MED21: variants seen among roughly 807,000 people sequenced by gnomAD.
The protein encoded by MED21 is mediator complex subunit 21.
A neutral mutation model predicts 18.2 loss-of-function variants in MED21; 9 were observed. The observed-to-expected ratio is 0.49, with a 90% CI of 0.30 to 0.86. The LOEUF (loss-of-function observed/expected upper bound fraction) is 0.86. Ranked by LOEUF, MED21 falls within the 40% of genes least tolerant of loss-of-function variation. The pLI is 0.07. For synonymous variants in MED21, 73 were observed against 60.5 expected (o/e 1.21, Z -0.96); for missense variants, 150 against 170.9 (o/e 0.88, Z 0.68).
rs142054394 is a variant in MED21 at position 27,028,452 on chromosome 12, A to G, written c.426A>G (p.Pro142=). 6.8e-6 allele frequency: 11 copies of G among 1,613,748 alleles called. No homozygotes were observed. In the African/African-American group the frequency reaches 1.2e-4, roughly 18 times the overall value. The change falls in exon 4 of 4, where the codon CCA becomes CCG. Residue 142 remains proline, a synonymous_variant. Transcript: ENST00000282892. ...GTGGTACCCATAGCCAGTCTCTTCC[A>G]GACTCATAGCATCAGTGGATACCAT... The part of the protein sequence containing the change: ...TRSGTHSQSL[P]DS
Position 27,029,830 on chromosome 12 carries a change from A to G in MED21, c.*1369A>G. On this transcript the variant is annotated 3_prime_UTR_variant, in exon 4 of 4. Transcript: ENST00000282892. ...GTCAGAAAACTTATTCAAAGTACCT[A>G]AGTATTATAAAGGAGTCAAAAAGGT... The G allele has an allele frequency of 1.0e-6, 1 of 998,952 alleles. No homozygotes were observed. Among genetic ancestry groups the G allele is most frequent in the Non-Finnish European group, 1.2e-6 (1 of 837,564 alleles). The allele number at this position is 998,952 out of a possible 1,614,324, so 61.9% of individuals were successfully genotyped here. A position where few individuals can be genotyped will look rare whatever the true frequency, so the allele number is the denominator to read the frequency against.
rs1389113234 is a variant in MED21, at chr12:27,030,140, T to C, written c.*1679T>C. ...ATATACAGTTTTTTTTTGTTGTTCTTGTTTCTGTTTTTTTAAGGTGAAGTC... is the reference window on the plus strand; with the variant it reads ...ATATACAGTTTTTTTTTGTTGTTCTCGTTTCTGTTTTTTTAAGGTGAAGTC... On this transcript the variant is annotated 3_prime_UTR_variant, in exon 4 of 4. Coordinates refer to ENST00000282892, the MANE Select transcript of MED21 (RefSeq NM_004264.5). The C allele has an allele frequency of 6.1e-6, 4 of 659,026 alleles. No homozygotes were observed. The highest frequency in any genetic ancestry group is 8.3e-6 in the Non-Finnish European group (3 of 361,338). The allele number at this position is 659,026 out of a possible 1,614,324, so 40.8% of individuals were successfully genotyped here.
In MED21 at chr12:27,028,485, AGAAAAGAAC is replaced by A; in HGVS notation, c.*25_*33del. The A allele has an allele frequency of 6.3e-7, 1 of 1,598,724 alleles. No individual in the cohort carries two copies. Among genetic ancestry groups the A allele is most frequent in the Non-Finnish European group, 8.5e-7 (1 of 1,170,304 alleles). On this transcript the variant is annotated 3_prime_UTR_variant, in exon 4 of 4. Transcript: ENST00000282892. ...AGCATCAGTGGATACCATGTGGCTG[AGAAAAGAAC>A]TGTTTGAGTGCCATTAAGAATTCTG... is the stretch of plus-strand genomic sequence containing the variant.
Position 27,022,612 on chromosome 12 carries a change from T to A in MED21, c.33T>A (p.Ala11=). 2 of 1,591,686 alleles carry A rather than the reference T, an allele frequency of 1.3e-6. No homozygotes were observed. The highest frequency in any genetic ancestry group is 1.7e-6 in the Non-Finnish European group (2 of 1,164,476). ...ATCGGCTCACGCAGCTTCAGGACGC[T>A]GTGAATTCGGTGAGGAATTTCATTC... The part of the protein sequence containing the change: MADRLTQLQD[A]VNSLADQFCN... The change falls in exon 1 of 4, where the codon GCT becomes GCA. Residue 11 remains alanine (A), a synonymous_variant. Transcript: ENST00000282892.
At chr12:27,028,204 CA>C in intron 3 of MED21, 80 bp from the exon 4 acceptor site, 3 of 1,434,786 alleles carry the variant, frequency 2.1e-6, no homozygotes, top group Non-Finnish European at 2.8e-6. Flanking sequence ...ATTGCAAAGT[CA>C]TCCAGATTTA....
At chr12:27,035,435 ATTTC>A (rs997909411), downstream of MED21, among the ~76,000 whole-genome samples, 1 of 147,842 alleles carries the variant, frequency 6.8e-6, no homozygotes, top group East Asian at 2.0e-4. Flanking sequence ...GTGATTTGTT[ATTTC>A]TTTTTTTTTT....
At chr12:27,030,770 T>C (rs1308671638), downstream of MED21, 1 of 152,210 alleles carries the variant, frequency 6.6e-6, no homozygotes, top group East Asian at 1.9e-4. Flanking sequence ...CCTAAAGATT[T>C]CTGTGGGTGA....
intron 1 of MED21, chr12:27,022,875 AG>A: frequency 7.1e-7 from 1 of 1,412,284 alleles, no homozygotes. Flanking sequence ...TGTCCGGGTG[AG>A]GCCGCCAGGA....
intron 2 of MED21, chr12:27,038,072 A>G (rs1227996700): frequency 6.6e-6 from 1 of 152,192 alleles, no homozygotes; most frequent in Non-Finnish European, 1.5e-5. Context: ...AGACCACCAC[A>G]TCTACTCATC....
rs1212170336 is a variant in MED21, at chr12:27,028,771, C to T, written c.*310C>T. On this transcript the variant is annotated 3_prime_UTR_variant, in exon 4 of 4. Transcript: ENST00000282892. ...TCTGTTATGACATAATTTATGTCTC[C>T]ATTTTGTTGTATTGGCCAGTACTTT... The T allele has an allele frequency of 2.9e-6, 3 of 1,024,530 alleles. No homozygotes were observed. Among genetic ancestry groups the T allele is most frequent in the African/African-American group, 1.7e-5 (1 of 58,740 alleles). The allele number at this position is 1,024,530 out of a possible 1,614,324, so 63.5% of individuals were successfully genotyped here.
chr12:27,031,538 A>G (rs1006853639), downstream of MED21, among the ~76,000 whole-genome samples: 1 of 152,220 alleles, frequency 6.6e-6, no homozygotes, highest in Non-Finnish European at 1.5e-5. Flanking sequence ...AACTTTTACC[A>G]TAGACTGTCA....
chr12:27,028,805 A>G lies in MED21; in HGVS notation c.*344A>G, dbSNP rs1369722634. 4.0e-6 allele frequency: 4 copies of G among 999,872 alleles called. No homozygotes were observed. In the African/African-American group the frequency reaches 5.2e-5, roughly 13 times the overall value. 61.9% of individuals were successfully genotyped at this position (999,872 alleles called of 1,614,324 possible). A position where few individuals can be genotyped will look rare whatever the true frequency, so the allele number is the denominator to read the frequency against. On this transcript the variant is annotated 3_prime_UTR_variant, in exon 4 of 4. Coordinates refer to ENST00000282892, the MANE Select transcript of MED21 (RefSeq NM_004264.5). ...GTATTGGCCAGTACTTTTACAAATCAAAACATCTCTCAAGCCAAAGGAGAA... is the reference window on the plus strand; with the variant it reads ...GTATTGGCCAGTACTTTTACAAATCGAAACATCTCTCAAGCCAAAGGAGAA...
At chr12:27,032,563 C>T (rs972890518), downstream of MED21, among the ~76,000 whole-genome samples, 1 of 152,206 alleles carries the variant, frequency 6.6e-6, no homozygotes, top group Non-Finnish European at 1.5e-5. Context: ...TACATGGCCA[C>T]TGACTACAGT....
chr12:27,023,495 C>T (rs1312641770), intron 1 of MED21, among the ~76,000 whole-genome samples: 1 of 151,904 alleles, frequency 6.6e-6, no homozygotes, highest in Non-Finnish European at 1.5e-5. Context: ...CGGGGTTTCA[C>T]CATGTTGTCC....
chr12:27,030,539 C>T lies in MED21; in HGVS notation c.*2078C>T, dbSNP rs1260342183. On this transcript the variant is annotated 3_prime_UTR_variant, in exon 4 of 4. Transcript: ENST00000282892. ...CCCAGGAACGAGAAACAGAATAAAACAATAGTAAACCTAAATTTTATTTTA... is the reference window on the plus strand; with the variant it reads ...CCCAGGAACGAGAAACAGAATAAAATAATAGTAAACCTAAATTTTATTTTA... 1 of 221,384 alleles carries T rather than the reference C, an allele frequency of 4.5e-6. No individual in the cohort carries two copies. Among genetic ancestry groups the T allele is most frequent in the Non-Finnish European group, 8.7e-6 (1 of 114,482 alleles). 13.7% of individuals were successfully genotyped at this position (221,384 alleles called of 1,614,324 possible).
chr12:27,038,033 G>A (rs1941660361), intron 2 of MED21: 1 of 152,164 alleles, frequency 6.6e-6, no homozygotes, highest in Admixed American at 6.6e-5. Flanking sequence ...TTCCCTTTCA[G>A]CTTGGGAATA....
rs1308917432 is a variant in MED21 at position 27,030,659 on chromosome 12, C to T, written c.*2198C>T. 1.3e-5 allele frequency: 2 copies of T among 152,778 alleles called. No individual in the cohort carries two copies. The highest frequency in any genetic ancestry group is 2.4e-5 in the African/African-American group (1 of 41,440). 9.5% of individuals were successfully genotyped at this position (152,778 alleles called of 1,614,324 possible). On this transcript the variant is annotated 3_prime_UTR_variant, in exon 4 of 4. Transcript: ENST00000282892. ...GCTGTGGCTTGTAATTAAAAATAGA[C>T]CTTTATTCACTAGACCTACAGTTTG...
chr12:27,034,437 A>C (rs550502806), downstream of MED21, among the ~76,000 whole-genome samples: 1 of 152,142 alleles, frequency 6.6e-6, no homozygotes, highest in Non-Finnish European at 1.5e-5. Flanking sequence ...AAAAAGTTTA[A>C]TACATAATTT....
At chr12:27,027,940 A>T (rs142722442) in intron 3 of MED21, among the ~76,000 whole-genome samples, 6 of 152,338 alleles carry the variant, frequency 3.9e-5, no homozygotes, top group African/African-American at 1.2e-4. Flanking sequence ...TTGTTATAAT[A>T]TTCAAATTTC....
Sources: allele counts gnomAD v4.1 joint callset (sites outside exome capture counted in the v4.1 genomes callset), GRCh38; gene constraint gnomAD v4.1.1; transcripts MANE v1.5; gene names NCBI Gene and HGNC (gene_info 2026-07-23, HGNC 2026-07-21).